The following PDILT variants were observed in gnomAD, a reference collection of about 807,000 sequenced individuals.
PDILT encodes the protein protein disulfide isomerase like, testis expressed, also known as protein disulfide-isomerase-like protein of the testis.
PDILT carries 43 observed loss-of-function variants against 53.7 expected under a neutral mutation model. That is an observed-to-expected ratio of 0.80 (90% CI 0.63 to 1.03). PDILT has a LOEUF of 1.03. Ranked by LOEUF, PDILT falls within the 50% of genes least tolerant of loss-of-function variation. The pLI, the probability that PDILT is intolerant of heterozygous loss-of-function variation, is 0.00. For synonymous variants in PDILT, 282 were observed against 274.2 expected (o/e 1.03, Z -0.28); for missense variants, 727 against 712.3 (o/e 1.02, Z -0.24).
chr16:20,373,108 G>A lies in PDILT; in HGVS notation c.696C>T (p.Asn232=). 1 of 1,613,978 alleles carries A rather than the reference G, an allele frequency of 6.2e-7. No individual in the cohort carries two copies. The highest frequency in any genetic ancestry group is 1.1e-5 in the South Asian group (1 of 91,052). ...TACTGTCATTAATAAGCTTTTGGCG[G>A]TTCACAATTTTTCCCTTGTACAAAA... The part of the protein sequence containing the change: ...VLVFKKGKIV[N]RQKLINDSTN... Residue 232 remains asparagine, a synonymous_variant, in exon 6 of 12, where the codon AAC becomes AAT. Transcript: ENST00000302451.
chr16:20,383,883 A>G (rs1480467175), intron 3 of PDILT, among the ~76,000 whole-genome samples: 2 of 152,214 alleles, frequency 1.3e-5, no homozygotes, highest in Non-Finnish European at 2.9e-5. Context: ...GGACTACCAT[A>G]TGTGCCATAC....
intron 1 of PDILT, among the ~76,000 whole-genome samples, chr16:20,400,072 A>ATTTT (rs55815809): frequency 0.072 from 9,855 of 136,192 alleles, 802 homozygotes; most frequent in East Asian, 0.12. Context: ...ATATATATAT[A>ATTTT]TTTTTTGAGA....
At chr16:20,366,992 C>CCTTTA (rs1966206879) in intron 8 of PDILT, among the ~76,000 whole-genome samples, 5 of 138,116 alleles carry the variant, frequency 3.6e-5, no homozygotes, top group African/African-American at 1.5e-4. Context: ...TCCTTCCTTT[C>CCTTTA]TTTCTTTCTT....
chr16:20,377,697 G>A (rs1310935253), intron 3 of PDILT, among the ~76,000 whole-genome samples: 1 of 152,180 alleles, frequency 6.6e-6, no homozygotes, highest in African/African-American at 2.4e-5. Flanking sequence ...GCTCATGCCT[G>A]TAATCCCAGC....
At chr16:20,402,384 C>T (rs1057396620) in intron 1 of PDILT, among the ~76,000 whole-genome samples, 4 of 152,060 alleles carry the variant, frequency 2.6e-5, no homozygotes, top group Non-Finnish European at 5.9e-5. Context: ...CTGCAACCTG[C>T]GTCTCCCTGG....
chr16:20,359,297 T>A lies in PDILT; in HGVS notation c.*22A>T, dbSNP rs771612216. 6.2e-7 allele frequency: 1 copy of A among 1,606,894 alleles called. No homozygotes were observed. The highest frequency in any genetic ancestry group is 2.2e-5 in the East Asian group (1 of 44,814). ...TGCCAGGATCTGGAAAATAAGCATC[T>A]TTTTTCCTGGTATTGGAGAAGCTAA... On this transcript the variant is annotated 3_prime_UTR_variant, in exon 12 of 12. Transcript: ENST00000302451.
At chr16:20,380,853 G>A (rs1274672634) in intron 3 of PDILT, among the ~76,000 whole-genome samples, 1 of 152,224 alleles carries the variant, frequency 6.6e-6, no homozygotes, top group East Asian at 1.9e-4. Context: ...TTGGGGACGT[G>A]TGAGCTCCAT....
intron 3 of PDILT, among the ~76,000 whole-genome samples, chr16:20,376,626 A>G (rs888032703): frequency 6.6e-6 from 1 of 152,212 alleles, no homozygotes; most frequent in Non-Finnish European, 1.5e-5. Flanking sequence ...AGATTGATTT[A>G]TATTTTAAAA....
At chr16:20,378,285 C>T (rs1352067578) in intron 3 of PDILT, among the ~76,000 whole-genome samples, 2 of 152,124 alleles carry the variant, frequency 1.3e-5, no homozygotes, top group Non-Finnish European at 2.9e-5. Flanking sequence ...CAACCCAAAT[C>T]GAGAACTAGA....
Position 20,399,297 on chromosome 16 carries a change from C to T in PDILT, c.4G>A (p.Asp2Asn). ...AGCAGCAGGGGCATCCAGAGTAGGT[C>T]CATGGCTGTCCTGCAGGGGCCGGAG... is the stretch of plus-strand genomic sequence containing the variant. M[D>N]LLWMPLLLVA... The change falls in exon 2 of 12, where the codon GAC becomes AAC. Residue 2 changes from aspartate (D) to asparagine (N), a missense_variant. Physicochemically the swap from Asp to Asn is conservative, Grantham distance 23. Transcript: ENST00000302451. 4 of 1,613,828 alleles carry T rather than the reference C, an allele frequency of 2.5e-6. No homozygotes were observed. Among genetic ancestry groups the T allele is most frequent in the Non-Finnish European group, 3.4e-6 (4 of 1,179,874 alleles).
intron 2 of PDILT, 48 bp downstream of exon 2, chr16:20,399,051 C>A: frequency 6.2e-7 from 1 of 1,603,290 alleles, no homozygotes; most frequent in Non-Finnish European, 8.5e-7. Flanking sequence ...CACAAGGAGG[C>A]AGGCCTCATC....
chr16:20,362,636 G>A, intron 9 of PDILT, 54 bp from the exon 10 acceptor site: 1 of 1,576,584 alleles, frequency 6.3e-7, no homozygotes, highest in African/African-American at 1.3e-5. Flanking sequence ...CCAGAAAGCT[G>A]GCGCCACCCT....
intron 2 of PDILT, 133 bp downstream of exon 2, chr16:20,398,966 T>G (rs1424370204): frequency 1.0e-6 from 1 of 958,486 alleles, no homozygotes; most frequent in Non-Finnish European, 1.6e-6. Flanking sequence ...GCTGTCTATA[T>G]ATATTAAATG....
chr16:20,400,072 A>ATTTTTTT (rs55815809), intron 1 of PDILT, among the ~76,000 whole-genome samples: 33 of 137,490 alleles, frequency 2.4e-4, no homozygotes, highest in South Asian at 1.9e-3. Context: ...ATATATATAT[A>ATTTTTTT]TTTTTTGAGA....
chr16:20,387,302 G>A (rs1017710044), intron 2 of PDILT, among the ~76,000 whole-genome samples: 12 of 152,232 alleles, frequency 7.9e-5, no homozygotes, highest in African/African-American at 2.9e-4. Flanking sequence ...GCAAGTTTAA[G>A]TAGGAGGCTA....
intron 2 of PDILT, among the ~76,000 whole-genome samples, chr16:20,396,537 C>G (rs1966664554): frequency 6.6e-6 from 1 of 152,234 alleles, no homozygotes; most frequent in Non-Finnish European, 1.5e-5. Flanking sequence ...AAACTTCAAG[C>G]TTCCAGATGC....
At position 20,404,689 on chromosome 16, in the gene PDILT, TC is replaced by T. The variant is rs1966790762; in HGVS notation, c.-202del. On this transcript the variant is annotated 5_prime_UTR_variant, in exon 1 of 12. Transcript: ENST00000302451. ...AAAGAATCCACAGGCAGAAATGAAG[TC>T]CCTTCCTGGGCACACAGAGGCCACA... The T allele has an allele frequency of 6.6e-6, 1 of 152,272 alleles. No homozygotes were observed. The highest frequency in any genetic ancestry group is 1.5e-5 in the Non-Finnish European group (1 of 68,180). 9.4% of individuals were successfully genotyped at this position (152,272 alleles called of 1,614,324 possible).
At chr16:20,394,301 T>G (rs1375857164) in intron 2 of PDILT, among the ~76,000 whole-genome samples, 2 of 152,208 alleles carry the variant, frequency 1.3e-5, no homozygotes, top group Admixed American at 6.5e-5. Flanking sequence ...CTGAAAGAGC[T>G]TATTCCACCA....
intron 11 of PDILT, 124 bp from the exon 12 acceptor site, chr16:20,359,691 A>T: frequency 2.1e-6 from 2 of 952,928 alleles, no homozygotes; most frequent in Non-Finnish European, 3.1e-6. Flanking sequence ...GAAAGTGCCC[A>T]GAGAGAATCA....
Sources: gnomAD v4.1 joint callset for allele counts (sites outside exome capture counted in the v4.1 genomes callset) on GRCh38, gnomAD v4.1.1 for gene constraint, MANE v1.5 for transcripts, NCBI Gene and HGNC (gene_info 2026-07-23, HGNC 2026-07-21) for gene names.